MBNL1: variants seen among roughly 807,000 people sequenced by gnomAD.
MBNL1 encodes the protein muscleblind like splicing regulator 1.
Under a neutral mutation model 42.2 loss-of-function variants are expected in MBNL1, and 8 were observed. The ratio of observed to expected loss-of-function variants is 0.19; its 90% confidence interval spans 0.11 to 0.34. MBNL1 has a LOEUF of 0.34. MBNL1 is among the 10% of genes least tolerant of loss of function. The pLI is 1.00. For synonymous variants in MBNL1, 169 were observed against 173.9 expected, an observed-to-expected ratio of 0.97 and a Z score of 0.22; for missense variants, 309 against 495.3, an observed-to-expected ratio of 0.62 and a Z score of 3.57.
chr3:152,434,817 T>C (rs960350479), intron 4 of MBNL1, among the ~76,000 whole-genome samples: 3 of 152,334 alleles, frequency 2.0e-5, no homozygotes, highest in African/African-American at 7.2e-5. Flanking sequence ...GAATTTTTCA[T>C]ATGCTTGTTG....
chr3:152,353,444 A>G (rs1341410144), intron 2 of MBNL1, among the ~76,000 whole-genome samples: 1 of 152,198 alleles, frequency 6.6e-6, no homozygotes. Context: ...GGCAGAGGAA[A>G]TAGTGCGTAG....
At position 152,274,605 on chromosome 3, in the gene MBNL1, C is replaced by T. The variant is rs115258557; in HGVS notation, c.-790+5513C>T. Among the ~76,000 whole-genome samples, 523 of 152,184 alleles carry T rather than the reference C, an allele frequency of 3.4e-3. 3 individuals carry two copies. The highest frequency in any genetic ancestry group is 0.011 in the African/African-American group (466 of 41,530). On this transcript the variant is annotated intron_variant, in intron 1 of 9. Transcript: ENST00000324210. ...GGTATTCAGTATTTTTCAGCCTTAG[C>T]AAAATATTATTCTGTTAACGCAGTA... is the stretch of plus-strand genomic sequence containing the variant.
intron 2 of MBNL1, among the ~76,000 whole-genome samples, chr3:152,364,133 C>A (rs2096199841): frequency 6.6e-6 from 1 of 151,920 alleles, no homozygotes; most frequent in South Asian, 2.1e-4. Context: ...CTAGTTAGTT[C>A]CTTTTGTCTC....
At chr3:152,415,414 A>G (rs2098682851) in intron 3 of MBNL1, among the ~76,000 whole-genome samples, 1 of 152,216 alleles carries the variant, frequency 6.6e-6, no homozygotes, top group African/African-American at 2.4e-5. Flanking sequence ...ATGATCATCT[A>G]ACTCACCGGT....
chr3:152,300,952 T>A, intron 2 of MBNL1: 1 of 980,824 alleles, frequency 1.0e-6, no homozygotes, highest in Non-Finnish European at 1.2e-6. Flanking sequence ...GCACCTTACC[T>A]GAGGCACAAA....
chr3:152,318,782 G>T (rs2074105426), intron 2 of MBNL1, among the ~76,000 whole-genome samples: 1 of 152,074 alleles, frequency 6.6e-6, no homozygotes. Context: ...CTATTATTAT[G>T]TCAATTTGAA....
At chr3:152,382,037 G>A (rs1321284071) in intron 2 of MBNL1, among the ~76,000 whole-genome samples, 1 of 152,044 alleles carries the variant, frequency 6.6e-6, no homozygotes, top group South Asian at 2.1e-4. Context: ...GTGTAACTAA[G>A]TAGGCGTAAC....
chr3:152,382,973 T>C (rs2097249276), intron 2 of MBNL1, among the ~76,000 whole-genome samples: 4 of 152,206 alleles, frequency 2.6e-5, no homozygotes, highest in Non-Finnish European at 5.9e-5. Context: ...TTCTTCCAGC[T>C]CAAAACCAGG....
chr3:152,394,810 A>G (rs2097858224), intron 2 of MBNL1, among the ~76,000 whole-genome samples: 2 of 152,196 alleles, frequency 1.3e-5, no homozygotes, highest in South Asian at 4.1e-4. Context: ...TACTCTTGGA[A>G]GAGCATAAAC....
chr3:152,460,299 C>T (rs1344957608), intron 9 of MBNL1, among the ~76,000 whole-genome samples: 3 of 151,606 alleles, frequency 2.0e-5, no homozygotes, highest in Non-Finnish European at 4.4e-5. Context: ...AATATATACA[C>T]ATAATCAAAT....
chr3:152,300,416 G>A, intron 2 of MBNL1, 49 bp downstream of exon 2: 1 of 1,456,156 alleles, frequency 6.9e-7, no homozygotes, highest in Non-Finnish European at 9.6e-7. Context: ...TTGAATGAGG[G>A]GTATATGGAC....
chr3:152,383,506 T>A (rs1421747664), intron 2 of MBNL1, among the ~76,000 whole-genome samples: 1 of 152,066 alleles, frequency 6.6e-6, no homozygotes, highest in African/African-American at 2.4e-5. Flanking sequence ...AGAGAATTAC[T>A]GTTCCATGAG....
At chr3:152,296,379 A>T (rs2058536656) in intron 1 of MBNL1, among the ~76,000 whole-genome samples, 1 of 152,208 alleles carries the variant, frequency 6.6e-6, no homozygotes, top group Non-Finnish European at 1.5e-5. Flanking sequence ...AACTGTGGGC[A>T]GGAGGAGGGA....
intron 2 of MBNL1, among the ~76,000 whole-genome samples, chr3:152,352,192 A>C (rs964043691): frequency 2.6e-5 from 4 of 152,226 alleles, no homozygotes; most frequent in South Asian, 2.1e-4. Context: ...CTTCAGAAGG[A>C]AAAATAGAAA....
upstream of MBNL1, chr3:152,266,292 C>G (rs567998516): frequency 6.6e-5 from 10 of 152,220 alleles, no homozygotes; most frequent in African/African-American, 2.4e-4. Context: ...ATTAAAGGAT[C>G]ATCCTTGTAT....
chr3:152,261,386 CA>C (rs2036247497), intron 2 of MBNL1, among the ~76,000 whole-genome samples: 1 of 152,044 alleles, frequency 6.6e-6, no homozygotes, highest in Non-Finnish European at 1.5e-5. Flanking sequence ...TCATGAAAGA[CA>C]AATAAAAAGG....
intron 7 of MBNL1, 52 bp from the exon 8 acceptor site, chr3:152,456,215 C>G: frequency 8.0e-7 from 1 of 1,243,708 alleles, no homozygotes; most frequent in East Asian, 2.3e-5. Context: ...CCATGGTTTC[C>G]ATATTGCTAC....
chr3:152,372,701 C>G (rs1199384104), intron 2 of MBNL1, among the ~76,000 whole-genome samples: 6 of 152,206 alleles, frequency 3.9e-5, no homozygotes, highest in Non-Finnish European at 7.3e-5. Flanking sequence ...CCGCCAGATG[C>G]TAGTGGAGCT....
chr3:152,338,153 G>A, intron 2 of MBNL1: 1 of 985,216 alleles, frequency 1.0e-6, no homozygotes, highest in Non-Finnish European at 1.2e-6. Context: ...CCGTGTTTTT[G>A]GCTTATGTAT....
Sources: allele counts gnomAD v4.1 joint callset (sites outside exome capture counted in the v4.1 genomes callset), GRCh38; gene constraint gnomAD v4.1.1; transcripts MANE v1.5; gene names NCBI Gene and HGNC (gene_info 2026-07-23, HGNC 2026-07-21).